Variants in PCDHGA2 observed in about 807,000 individuals in gnomAD.
PCDHGA2 encodes protocadherin gamma-A2.
PCDHGA2 carries 40 observed loss-of-function variants against 59.2 expected under a neutral mutation model. That is an observed-to-expected ratio of 0.68 (90% CI 0.52 to 0.88). PCDHGA2 has a LOEUF of 0.88. Ranked by LOEUF, PCDHGA2 falls within the 40% of genes least tolerant of loss-of-function variation. PCDHGA2 has a pLI of 0.00. For missense variants in PCDHGA2, 1,226 were observed against 1,204.0 expected, an observed-to-expected ratio of 1.02 and a Z score of -0.27; for synonymous variants, 560 against 526.0, an observed-to-expected ratio of 1.06 and a Z score of -0.89.
Position 141,489,172 on chromosome 5 carries a change from T to G in PCDHGA2, c.2425-5635T>G. 1 of 1,199,026 alleles carries G rather than the reference T, an allele frequency of 8.3e-7. No individual in the cohort carries two copies. Among genetic ancestry groups the G allele is most frequent in the East Asian group, 2.4e-5 (1 of 42,106 alleles). The allele number at this position is 1,199,026 out of a possible 1,614,324, so 74.3% of individuals were successfully genotyped here. ...ACATAAGAGACTTCAGCTGCTGCATTCCAAGCCCTGGGTCTACCTTGGAGA... is the reference window on the plus strand; with the variant it reads ...ACATAAGAGACTTCAGCTGCTGCATGCCAAGCCCTGGGTCTACCTTGGAGA... On this transcript the variant is annotated intron_variant, in intron 1 of 3. Coordinates refer to ENST00000394576, the MANE Select transcript of PCDHGA2 (RefSeq NM_018915.4). This position sits in a 1 kb window ranked among gnomAD's most constrained non-coding sequence, Gnocchi z 4.5.
chr5:141,403,690 T>G, intron 1 of PCDHGA2: 1 of 1,613,908 alleles, frequency 6.2e-7, no homozygotes, highest in Non-Finnish European at 8.5e-7. Context: ...CTCAACGGAT[T>G]TACCGAGTTA....
intron 1 of PCDHGA2, chr5:141,396,749 A>G (rs944470602): frequency 1.3e-5 from 2 of 152,368 alleles, no homozygotes; most frequent in African/African-American, 4.8e-5. Flanking sequence ...GTAGAAGTAG[A>G]TGACCCAATA....
chr5:141,477,361 G>A lies in PCDHGA2; in HGVS notation c.2425-17446G>A. The A allele has an allele frequency of 6.2e-7, 1 of 1,614,172 alleles. No individual in the cohort carries two copies. The highest frequency in any genetic ancestry group is 8.5e-7 in the Non-Finnish European group (1 of 1,180,032). Reference sequence around the variant, plus strand: ...TCACTTTGAAAACCAGTGCAGACCTGGATCGGGAGACTGTGCCAGAATACA... The same window carrying A: ...TCACTTTGAAAACCAGTGCAGACCTAGATCGGGAGACTGTGCCAGAATACA... On this transcript the variant is annotated intron_variant, in intron 1 of 3. Coordinates refer to ENST00000394576, the MANE Select transcript of PCDHGA2 (RefSeq NM_018915.4). The surrounding 1 kb of genome is among the most constrained non-coding windows in gnomAD (Gnocchi z 4.9).
intron 1 of PCDHGA2, chr5:141,356,888 T>C: frequency 6.2e-7 from 1 of 1,614,236 alleles, no homozygotes; most frequent in Non-Finnish European, 8.5e-7. Context: ...CCTGAGATCC[T>C]GTACCCCACC....
intron 1 of PCDHGA2, chr5:141,394,982 C>G (rs754667421): frequency 2.7e-5 from 44 of 1,613,866 alleles, no homozygotes; most frequent in Non-Finnish European, 3.6e-5. Context: ...ACAAGTCACG[C>G]CTGCTCCAGG....
chr5:141,416,096 T>C (rs2095991930), intron 1 of PCDHGA2: 1 of 161,152 alleles, frequency 6.2e-6, no homozygotes, highest in South Asian at 2.0e-4. Flanking sequence ...AGAAGGGCAA[T>C]AGGCCTTTTT....
At chr5:141,403,704 T>C (rs1207597755) in intron 1 of PCDHGA2, 2 of 1,613,846 alleles carry the variant, frequency 1.2e-6, no homozygotes, top group East Asian at 4.5e-5. Context: ...CGAGTTAAAG[T>C]CCTTGAGAAC....
Position 141,454,796 on chromosome 5 carries a change from A to ATTTTTTTTTTTTT in PCDHGA2, c.2425-39994_2425-39982dup, listed in dbSNP as rs61612330. On this transcript the variant is annotated intron_variant, in intron 1 of 3. Coordinates refer to ENST00000394576, the MANE Select transcript of PCDHGA2 (RefSeq NM_018915.4). ...AAGGAAATAATCCTCCATGGTTCTAATTTTTTTTTTTTTTTTTTTTTTTTT... is the reference window on the plus strand; with the variant it reads ...AAGGAAATAATCCTCCATGGTTCTAATTTTTTTTTTTTTTTTTTTTTTTTTTTTTTTTTTTTTT... Among the ~76,000 whole-genome samples the ATTTTTTTTTTTTT allele has an allele frequency of 1.7e-3, 135 of 77,462 alleles. 8 individuals carry two copies. The highest frequency in any genetic ancestry group is 2.5e-3 in the Admixed American group (14 of 5,554). The allele number at this position is 77,462 out of a possible 152,430, so 50.8% of individuals were successfully genotyped here.
intron 1 of PCDHGA2, among the ~76,000 whole-genome samples, chr5:141,481,259 C>T (rs1176419744): frequency 1.3e-5 from 2 of 152,146 alleles, no homozygotes; most frequent in African/African-American, 4.8e-5. Context: ...TCTAAAAGAT[C>T]ACTGTAGGAA....
Position 141,340,846 on chromosome 5 carries a change from G to T in PCDHGA2, c.1875G>T (p.Glu625Asp). Residue 625 changes from glutamate to aspartate, a missense_variant, in exon 1 of 4, where the codon GAG becomes GAT. Transcript: ENST00000394576. ...TCTCGGTGGGTCTGCACACGGGCGAGGTGCGCACGGCGCGAGCCCTGCTGG... is the reference window on the plus strand; with the variant it reads ...TCTCGGTGGGTCTGCACACGGGCGATGTGCGCACGGCGCGAGCCCTGCTGG... ...GLFSVGLHTGEVRTARALLDR... is the reference protein window; with the variant it reads ...GLFSVGLHTGDVRTARALLDR... The T allele has an allele frequency of 1.2e-6, 2 of 1,611,914 alleles. No individual in the cohort carries two copies. The highest frequency in any genetic ancestry group is 1.7e-6 in the Non-Finnish European group (2 of 1,179,400).
chr5:141,480,816 G>A (rs1400500941), intron 1 of PCDHGA2, among the ~76,000 whole-genome samples: 4 of 152,208 alleles, frequency 2.6e-5, no homozygotes, highest in Admixed American at 2.0e-4. Flanking sequence ...GGAGGCTGAG[G>A]TGGGTGGATC....
rs1243327893 is a variant in PCDHGA2, at chr5:141,491,671, C to G, written c.2425-3136C>G. 1 of 1,613,484 alleles carries G rather than the reference C, an allele frequency of 6.2e-7. No homozygotes were observed. Among genetic ancestry groups the G allele is most frequent in the Admixed American group, 1.7e-5 (1 of 60,034 alleles). On this transcript the variant is annotated intron_variant, in intron 1 of 3. Transcript: ENST00000394576. This position sits in a 1 kb window ranked among gnomAD's most constrained non-coding sequence, Gnocchi z 6.9. ...GCTGGAGCCTGACGCCATCCGGTCC[C>G]GCTCTAATACGCTGCGGGAGCGGAG...
chr5:141,356,711 A>G, intron 1 of PCDHGA2: 1 of 1,613,884 alleles, frequency 6.2e-7, no homozygotes, highest in Non-Finnish European at 8.5e-7. Flanking sequence ...CTGTCCTCCT[A>G]TGTCTCCATC....
At chr5:141,505,245 A>G (rs530515894) in intron 2 of PCDHGA2, 148 bp from the exon 3 acceptor site, 294 of 1,430,832 alleles carry the variant, frequency 2.1e-4, no homozygotes, top group Admixed American at 1.8e-3. Flanking sequence ...GAAGGATTGT[A>G]GAAGTGCCTC....
At chr5:141,441,984 A>G (rs1202392318) in intron 1 of PCDHGA2, 4 of 275,400 alleles carry the variant, frequency 1.5e-5, no homozygotes, top group South Asian at 7.2e-5. Flanking sequence ...TGGAATGCGC[A>G]CCGACGAGGT....
intron 1 of PCDHGA2, among the ~76,000 whole-genome samples, chr5:141,386,301 G>T (rs1049977575): frequency 1.3e-5 from 2 of 152,180 alleles, no homozygotes; most frequent in Non-Finnish European, 1.5e-5. Context: ...TTTTAGTAAA[G>T]CTCAGTATAT....
At chr5:141,419,542 G>C (rs771168003) in intron 1 of PCDHGA2, 3 of 1,612,016 alleles carry the variant, frequency 1.9e-6, no homozygotes, top group South Asian at 2.2e-5. Flanking sequence ...ACGCACCGCG[G>C]GTGCTGTACC....
At chr5:141,413,462 G>A (rs750915907) in intron 1 of PCDHGA2, 4 of 1,614,120 alleles carry the variant, frequency 2.5e-6, no homozygotes, top group East Asian at 2.2e-5. Flanking sequence ...AGGATAGACC[G>A]GGAGGAGCTC....
intron 1 of PCDHGA2, chr5:141,412,395 T>G (rs941350125): frequency 1.3e-5 from 2 of 152,246 alleles, no homozygotes; most frequent in African/African-American, 4.8e-5. Flanking sequence ...ATTTAACTTG[T>G]ATCCCTGTAA....
Sources: allele counts gnomAD v4.1 joint callset (sites outside exome capture counted in the v4.1 genomes callset), GRCh38; gene constraint gnomAD v4.1.1; non-coding constraint Gnocchi (gnomAD v3.1); transcripts MANE v1.5; gene names NCBI Gene and HGNC (gene_info 2026-07-23, HGNC 2026-07-21).